The following ARHGAP42 variants were observed in gnomAD, a reference collection of about 807,000 sequenced individuals.
The protein encoded by ARHGAP42 is Rho GTPase activating protein 42.
In ARHGAP42, 63 loss-of-function variants were observed where a neutral mutation model predicts 125.0. The ratio of observed to expected loss-of-function variants is 0.50; its 90% CI spans 0.41 to 0.62. The LOEUF (loss-of-function observed/expected upper bound fraction) is 0.62. Ranked by LOEUF, ARHGAP42 falls within the 20% of genes least tolerant of loss-of-function variation. The probability of loss-of-function intolerance (pLI) is 0.00; values close to 1 mark genes in which losing one functional copy is unlikely to be tolerated. For synonymous variants in ARHGAP42, 339 were observed against 351.0 expected (o/e 0.97, Z 0.38); for missense variants, 766 against 1,024.2 (o/e 0.75, Z 3.44).
At chr11:100,841,726 C>G (rs939108176) in intron 3 of ARHGAP42, among the ~76,000 whole-genome samples, 2 of 152,102 alleles carry the variant, frequency 1.3e-5, no homozygotes, top group African/African-American at 2.4e-5. Context: ...TTCTCTCTGC[C>G]TGAAAGCCTT....
At chr11:100,988,682 C>T in intron 23 of ARHGAP42, 31 bp from the exon 24 acceptor site, 1 of 1,496,956 alleles carries the variant, frequency 6.7e-7, no homozygotes, top group Non-Finnish European at 9.1e-7. Context: ...CTAATGTTGA[C>T]TGAGTGCTAT....
At chr11:100,986,689 G>A (rs1858686367) in intron 22 of ARHGAP42, among the ~76,000 whole-genome samples, 1 of 152,118 alleles carries the variant, frequency 6.6e-6, no homozygotes, top group Admixed American at 6.5e-5. Context: ...ACTTGGAGTT[G>A]GGATCAGTTG....
intron 17 of ARHGAP42, 89 bp downstream of exon 17, chr11:100,965,865 C>T: frequency 8.7e-7 from 1 of 1,151,256 alleles, no homozygotes; most frequent in Non-Finnish European, 1.2e-6. Flanking sequence ...GATGTTATAA[C>T]ATTGGTATTA....
At chr11:100,974,299 C>A (rs1353088280) in intron 18 of ARHGAP42, among the ~76,000 whole-genome samples, 160 bp from the exon 19 acceptor site, 2 of 152,064 alleles carry the variant, frequency 1.3e-5, no homozygotes, top group Non-Finnish European at 2.9e-5. Flanking sequence ...AAAAAGAAAA[C>A]CCCGTGAAAG....
intron 17 of ARHGAP42, among the ~76,000 whole-genome samples, chr11:100,968,198 A>G (rs549687478): frequency 6.6e-5 from 10 of 152,292 alleles, no homozygotes; most frequent in Middle Eastern, 3.4e-3. Flanking sequence ...TCTAATGTAT[A>G]TCTACTGTAG....
chr11:100,863,474 T>C (rs944615829), intron 4 of ARHGAP42, among the ~76,000 whole-genome samples: 39 of 152,234 alleles, frequency 2.6e-4, no homozygotes, highest in African/African-American at 9.2e-4. Context: ...ATAAGATCCA[T>C]GGACCACAAA....
chr11:100,696,965 T>C (rs1163366733), intron 1 of ARHGAP42, among the ~76,000 whole-genome samples: 2 of 152,054 alleles, frequency 1.3e-5, no homozygotes, highest in Admixed American at 1.3e-4. Flanking sequence ...TTGTTAAGAA[T>C]GGGGAACCAT....
intron 4 of ARHGAP42, among the ~76,000 whole-genome samples, chr11:100,885,752 T>C (rs144509057): frequency 2.7e-3 from 412 of 152,334 alleles, no homozygotes; most frequent in African/African-American, 8.1e-3. Flanking sequence ...ACCAAATTTT[T>C]ATAATTTTAT....
In ARHGAP42 at chr11:100,943,950, C is replaced by G. The variant is rs1320658400; in HGVS notation, c.1043+82C>G. ...GTATTTAAATATAAACATGAAACAG[C>G]ATTCAAGTGTTTTTTAGTCTTTTAA... On this transcript the variant is annotated intron_variant, in intron 10 of 23. Coordinates refer to ENST00000298815, the MANE Select transcript of ARHGAP42 (RefSeq NM_152432.4). 2.8e-5 allele frequency: 25 copies of G among 899,390 alleles called. No individual in the cohort carries two copies. In the South Asian group the frequency reaches 4.9e-4, roughly 18 times the overall value. 55.7% of individuals were successfully genotyped at this position (899,390 alleles called of 1,614,324 possible). A position where few individuals can be genotyped will look rare whatever the true frequency, so the allele number is the denominator to read the frequency against.
intron 1 of ARHGAP42, among the ~76,000 whole-genome samples, chr11:100,741,815 T>C (rs1007335408): frequency 6.6e-6 from 1 of 152,224 alleles, no homozygotes; most frequent in South Asian, 2.1e-4. Context: ...AAAATTGTTA[T>C]TTTGCCCTTA....
Position 100,976,828 on chromosome 11 carries a change from C to T in ARHGAP42, c.2250C>T (p.Tyr750=). The T allele has an allele frequency of 1.9e-6, 3 of 1,550,510 alleles. No individual in the cohort carries two copies. Among genetic ancestry groups the T allele is most frequent in the South Asian group, 2.4e-5 (2 of 84,014 alleles). ...SISAAEGNKS[Y]SGSIQSLTSV... Reference sequence around the variant, plus strand: ...CTTTCTTTTTAGGAAACAAGAGCTACAGTGGATCTATTCAAAGCTTAACTT... The same window carrying T: ...CTTTCTTTTTAGGAAACAAGAGCTATAGTGGATCTATTCAAAGCTTAACTT... Residue 750 remains tyrosine (Y), a synonymous_variant, in exon 21 of 24, where the codon TAC becomes TAT. Transcript: ENST00000298815.
chr11:100,741,540 T>G (rs942030267), intron 1 of ARHGAP42, among the ~76,000 whole-genome samples: 4 of 152,202 alleles, frequency 2.6e-5, no homozygotes, highest in Non-Finnish European at 5.9e-5. Flanking sequence ...CAGCCTCTAG[T>G]CCAGATTGAA....
At chr11:100,917,229 A>G (rs1867095637) in intron 5 of ARHGAP42, among the ~76,000 whole-genome samples, 1 of 152,202 alleles carries the variant, frequency 6.6e-6, no homozygotes, top group African/African-American at 2.4e-5. Context: ...TTTTCCACCT[A>G]TCACTAACTA....
intron 3 of ARHGAP42, among the ~76,000 whole-genome samples, chr11:100,851,694 C>T (rs1002588473): frequency 1.6e-4 from 25 of 151,944 alleles, no homozygotes; most frequent in African/African-American, 5.8e-4. Context: ...TCCATGTATA[C>T]AATGTTTGCA....
At chr11:100,696,454 A>G (rs1225014866) in intron 1 of ARHGAP42, among the ~76,000 whole-genome samples, 1 of 150,494 alleles carries the variant, frequency 6.6e-6, no homozygotes, top group African/African-American at 2.5e-5. Context: ...CCCGGGTTCA[A>G]GCAATCCTCC....
chr11:100,872,224 A>G (rs1448678682), intron 4 of ARHGAP42, among the ~76,000 whole-genome samples: 1 of 152,182 alleles, frequency 6.6e-6, no homozygotes, highest in Non-Finnish European at 1.5e-5. Flanking sequence ...GATCAGTAAA[A>G]TTATTTATCT....
chr11:100,725,137 C>A (rs1478295838), intron 1 of ARHGAP42, among the ~76,000 whole-genome samples: 1 of 150,990 alleles, frequency 6.6e-6, no homozygotes. Flanking sequence ...TCTATTTGCT[C>A]CCTTATGCGC....
At chr11:100,733,759 A>G (rs1862002280) in intron 1 of ARHGAP42, among the ~76,000 whole-genome samples, 1 of 128,942 alleles carries the variant, frequency 7.8e-6, no homozygotes, top group Non-Finnish European at 1.6e-5. Flanking sequence ...CAGGAAGCAG[A>G]GGTTGCAGTG....
intron 3 of ARHGAP42, among the ~76,000 whole-genome samples, chr11:100,845,143 C>T (rs1865033245): frequency 6.8e-6 from 1 of 147,506 alleles, no homozygotes; most frequent in South Asian, 2.1e-4. Context: ...TATACACACA[C>T]ATATACATAC....
Sources: gnomAD v4.1 joint callset for allele counts (sites outside exome capture counted in the v4.1 genomes callset) on GRCh38, gnomAD v4.1.1 for gene constraint, MANE v1.5 for transcripts, NCBI Gene and HGNC (gene_info 2026-07-23, HGNC 2026-07-21) for gene names.